The following GSN variants were observed in gnomAD, a reference collection of about 807,000 sequenced individuals.
GSN encodes gelsolin, also known as actin-depolymerizing factor.
GSN carries 56 observed loss-of-function variants against 85.7 expected under a neutral mutation model. That is an observed-to-expected ratio of 0.65 (90% CI 0.53 to 0.82). The LOEUF is 0.82. Ranked by LOEUF, GSN falls within the 40% of genes least tolerant of loss-of-function variation. The pLI, the probability that GSN is intolerant of heterozygous loss-of-function variation, is 0.00. For synonymous variants in GSN, 373 were observed against 399.1 expected (o/e 0.93, Z 0.78); for missense variants, 857 against 979.8 (o/e 0.87, Z 1.67).
intron 6 of GSN, among the ~76,000 whole-genome samples, chr9:121,259,208 A>G (rs1191580799): frequency 1.3e-5 from 2 of 152,216 alleles, no homozygotes; most frequent in Admixed American, 6.5e-5. Flanking sequence ...GGAGATGGTA[A>G]ACAACCCAGT....
intron 1 of GSN, among the ~76,000 whole-genome samples, chr9:121,208,786 G>A (rs2053923181): frequency 6.6e-6 from 1 of 152,226 alleles, no homozygotes; most frequent in African/African-American, 2.4e-5. Context: ...GAAAAGAATG[G>A]ATACTGAGAA....
chr9:121,238,758 C>G, intron 5 of GSN: 6 of 476,138 alleles, frequency 1.3e-5, no homozygotes, highest in South Asian at 9.8e-5. Flanking sequence ...TTCATGAGGA[C>G]CCTGAAAAAT....
intron 2 of GSN, among the ~76,000 whole-genome samples, chr9:121,291,550 C>A (rs569865365): frequency 6.6e-6 from 1 of 151,878 alleles, no homozygotes; most frequent in South Asian, 2.1e-4. Context: ...TCCTGAGTAG[C>A]TGGGACCACA....
intron 6 of GSN, among the ~76,000 whole-genome samples, chr9:121,249,040 A>G (rs1228323847): frequency 1.3e-5 from 2 of 152,192 alleles, no homozygotes; most frequent in Non-Finnish European, 2.9e-5. Flanking sequence ...GTGACAATCT[A>G]GATGTAAGAT....
In GSN at chr9:121,296,099, G is replaced by A. The variant is rs189744043; in HGVS notation, c.-9-5864G>A. ...GAAGTGTCGTGGGGACAGCTGCTCC[G>A]GAGACTCCTGGCTGCCAGGCTTGAC... On this transcript the variant is annotated intron_variant, in intron 2 of 17. Transcript: ENST00000432226. Among the ~76,000 whole-genome samples, 10 of 152,310 alleles carry A rather than the reference G, an allele frequency of 6.6e-5. No individual in the cohort carries two copies. In the East Asian group the frequency reaches 7.7e-4, roughly 12 times the overall value.
chr9:121,301,625 C>CAAAAAAAAAAAAA (rs753963979), intron 2 of GSN, among the ~76,000 whole-genome samples: 1 of 55,944 alleles, frequency 1.8e-5, no homozygotes, highest in Admixed American at 1.7e-4. Flanking sequence ...GACTCTGTCT[C>CAAAAAAAAAAAAA]AAAAAAAAAA....
At chr9:121,230,502 T>C (rs921949026) in intron 4 of GSN, among the ~76,000 whole-genome samples, 4 of 152,124 alleles carry the variant, frequency 2.6e-5, no homozygotes, top group African/African-American at 9.7e-5. Context: ...AAAGATATTT[T>C]ATTTATTGAG....
intron 2 of GSN, chr9:121,282,264 C>T (rs2132622922): frequency 1.7e-6 from 1 of 597,132 alleles, no homozygotes; most frequent in Admixed American, 3.1e-5. Flanking sequence ...GCTGTGTGGA[C>T]CCAACGAGCT....
chr9:121,249,172 C>T (rs2054762902), intron 6 of GSN, among the ~76,000 whole-genome samples: 1 of 151,900 alleles, frequency 6.6e-6, no homozygotes, highest in African/African-American at 2.4e-5. Flanking sequence ...TAAGGAGATG[C>T]AAGAGACTGG....
chr9:121,318,774 A>G lies in GSN; in HGVS notation c.1085A>G (p.His362Arg), dbSNP rs1032894158. The part of the protein sequence containing the change: ...DGLGLSYLSS[H>R]IANVERVPFD... ...CTGGGCTTGTCCTACCTTTCCAGCCATATCGCCAACGTGGAGCGGGTGCCC... is the reference window on the plus strand; with the variant it reads ...CTGGGCTTGTCCTACCTTTCCAGCCGTATCGCCAACGTGGAGCGGGTGCCC... The change falls in exon 10 of 18, where the codon CAT becomes CGT. Residue 362 changes from histidine to arginine, a missense_variant. Physicochemically the swap from His to Arg is conservative, Grantham distance 29. Coordinates refer to ENST00000432226, the MANE Select transcript of GSN (RefSeq NM_198252.3). This position sits in a 1 kb window ranked among gnomAD's most constrained non-coding sequence, Gnocchi z 4.3. The G allele has an allele frequency of 1.2e-6, 2 of 1,614,140 alleles. No individual in the cohort carries two copies. The highest frequency in any genetic ancestry group is 8.5e-7 in the Non-Finnish European group (1 of 1,180,012).
intron 6 of GSN, among the ~76,000 whole-genome samples, chr9:121,251,092 C>T (rs2054821303): frequency 6.6e-6 from 1 of 151,248 alleles, no homozygotes; most frequent in Non-Finnish European, 1.5e-5. Context: ...TCCCAGCATA[C>T]TGAGATTACA....
intron 6 of GSN, among the ~76,000 whole-genome samples, chr9:121,258,975 A>G (rs1042486577): frequency 1.3e-5 from 2 of 152,238 alleles, no homozygotes; most frequent in African/African-American, 4.8e-5. Flanking sequence ...CACTGGGAGC[A>G]CAATAGTGAA....
chr9:121,241,308 T>G (rs141077921), intron 5 of GSN, among the ~76,000 whole-genome samples: 1 of 152,200 alleles, frequency 6.6e-6, no homozygotes, highest in Non-Finnish European at 1.5e-5. Context: ...ACTGAAAGAT[T>G]TCAGGTGAGC....
At chr9:121,319,576 G>A (rs752384850) in intron 10 of GSN, among the ~76,000 whole-genome samples, 1 of 151,568 alleles carries the variant, frequency 6.6e-6, no homozygotes, top group Non-Finnish European at 1.5e-5. Flanking sequence ...TCCTGCCTCG[G>A]CCCCCCAAAG....
chr9:121,311,287 G>T, intron 5 of GSN: 1 of 233,118 alleles, frequency 4.3e-6, no homozygotes, highest in Non-Finnish European at 8.6e-6. Flanking sequence ...AATGTGTGTG[G>T]GATGCCCTTA....
Position 121,299,949 on chromosome 9 carries a change from G to A in GSN, c.-9-2014G>A. 7.9e-7 allele frequency: 1 copy of A among 1,266,746 alleles called. No individual in the cohort carries two copies. The highest frequency in any genetic ancestry group is 1.0e-6 in the Non-Finnish European group (1 of 1,004,916). The allele number at this position is 1,266,746 out of a possible 1,614,324, so 78.5% of individuals were successfully genotyped here. A position where few individuals can be genotyped will look rare whatever the true frequency, so the allele number is the denominator to read the frequency against. On this transcript the variant is annotated intron_variant, in intron 2 of 17. Transcript: ENST00000432226. This position sits in a 1 kb window ranked among gnomAD's most constrained non-coding sequence, Gnocchi z 4.2. ...GTCGCTGCCCGTCCGCGCGGCCACT[G>A]CGTCGCGGGGGGCGTCCCAGGCGGG...
the GSN span, among the ~76,000 whole-genome samples, chr9:121,202,247 G>C: frequency 6.6e-6 from 1 of 152,232 alleles, no homozygotes; most frequent in African/African-American, 2.4e-5. Context: ...CCACTTATTG[G>C]ACGCTTACCG....
At chr9:121,271,189 T>A (rs2055886601) in intron 1 of GSN, among the ~76,000 whole-genome samples, 1 of 152,146 alleles carries the variant, frequency 6.6e-6, no homozygotes, top group Non-Finnish European at 1.5e-5. Context: ...GTCAACATGG[T>A]GAAACCCTGT....
At chr9:121,320,277 CGCT>C (rs1222333131) in intron 10 of GSN, among the ~76,000 whole-genome samples, 2 of 152,242 alleles carry the variant, frequency 1.3e-5, no homozygotes, top group Admixed American at 1.3e-4. Flanking sequence ...GTCACCAGAA[CGCT>C]GCGGAGACCT....
Sources: gnomAD v4.1 joint callset for allele counts (sites outside exome capture counted in the v4.1 genomes callset) on GRCh38, gnomAD v4.1.1 for gene constraint, Gnocchi (gnomAD v3.1) non-coding constraint, MANE v1.5 for transcripts, NCBI Gene and HGNC (gene_info 2026-07-23, HGNC 2026-07-21) for gene names.